PCDHGB6: variants seen among roughly 807,000 people sequenced by gnomAD.
The protein encoded by PCDHGB6 is protocadherin gamma subfamily B, 6, also known as protocadherin gamma-B6.
In PCDHGB6, 51 loss-of-function variants were observed where a neutral mutation model predicts 59.1. The observed-to-expected ratio is 0.86, with a 90% CI of 0.69 to 1.09. The LOEUF (loss-of-function observed/expected upper bound fraction) is 1.09, where lower values mean the gene tolerates loss of function less well. Ranked by LOEUF, PCDHGB6 falls within the 50% of genes least tolerant of loss-of-function variation. PCDHGB6 has a pLI of 0.00. For missense variants in PCDHGB6, 1,148 were observed against 1,205.1 expected (o/e 0.95, Z 0.70); for synonymous variants, 466 against 495.1 (o/e 0.94, Z 0.78).
At position 141,511,410 on chromosome 5, in the gene PCDHGB6, T is replaced by A; in HGVS notation, c.*237T>A. The stretch of plus-strand genomic sequence containing the variant: ...GGAACCCCCATCCAATCAACTGCTG[T>A]ACCCATGGGGGTAGTGGGGTTACTG... On this transcript the variant is annotated 3_prime_UTR_variant, in exon 4 of 4. Coordinates refer to ENST00000520790, the MANE Select transcript of PCDHGB6 (RefSeq NM_018926.3). 1 of 908,820 alleles carries A rather than the reference T, an allele frequency of 1.1e-6. No individual in the cohort carries two copies. The highest frequency in any genetic ancestry group is 1.6e-6 in the Non-Finnish European group (1 of 624,202). 56.3% of individuals were successfully genotyped at this position (908,820 alleles called of 1,614,324 possible). A position where few individuals can be genotyped will look rare whatever the true frequency, so the allele number is the denominator to read the frequency against.
chr5:141,417,387 G>GA (rs1356605500), intron 1 of PCDHGB6: 1 of 154,090 alleles, frequency 6.5e-6, no homozygotes, highest in Non-Finnish European at 1.4e-5. Context: ...AAATTTTGAA[G>GA]AAAAAATATT....
rs756423770 is a variant in PCDHGB6 at position 141,430,950 on chromosome 5, T to G, written c.2418+20330T>G. 8 of 1,609,862 alleles carry G rather than the reference T, an allele frequency of 5.0e-6. No individual in the cohort carries two copies. The East Asian group carries it at 1.6e-4, about 31-fold the overall frequency. On this transcript the variant is annotated intron_variant, in intron 1 of 3. Coordinates refer to ENST00000520790, the MANE Select transcript of PCDHGB6 (RefSeq NM_018926.3). ...CCCCGGGAGCTCGCGGAGCGCGGAG[T>G]CCGCATCATCCCCAGAGGTAGGACG...
Position 141,438,021 on chromosome 5 carries a change from G to T in PCDHGB6, c.2418+27401G>T, listed in dbSNP as rs112167613. ...CTCCCAAATAGCTGAGATTACAGGT[G>T]TGAGCCACCATGCCCGACCACTTTG... On this transcript the variant is annotated intron_variant, in intron 1 of 3. Transcript: ENST00000520790. Among the ~76,000 whole-genome samples the T allele has an allele frequency of 1.6e-3, 250 of 152,256 alleles. 2 individuals are homozygous for T. Among genetic ancestry groups the T allele is most frequent in the African/African-American group, 5.3e-3 (221 of 41,544 alleles).
intron 1 of PCDHGB6, among the ~76,000 whole-genome samples, chr5:141,479,992 G>A (rs1336315766): frequency 6.6e-6 from 1 of 152,204 alleles, no homozygotes; most frequent in Non-Finnish European, 1.5e-5. Context: ...CCAACTAGGA[G>A]TCTGTGGCCA....
At chr5:141,447,937 T>A (rs1036604034) in intron 1 of PCDHGB6, among the ~76,000 whole-genome samples, 1 of 151,852 alleles carries the variant, frequency 6.6e-6, no homozygotes, top group Non-Finnish European at 1.5e-5. Context: ...AATACAAAAA[T>A]TAGCTGGGCA....
chr5:141,418,126 A>G (rs2096226975), intron 1 of PCDHGB6: 3 of 1,613,994 alleles, frequency 1.9e-6, no homozygotes, highest in Non-Finnish European at 2.5e-6. Context: ...TGAAGGACCG[A>G]ATAGACCGTG....
At position 141,501,290 on chromosome 5, in the gene PCDHGB6, TACACACACACAC is replaced by T. The variant is rs55762287; in HGVS notation, c.2478-4070_2478-4059del. Among the ~76,000 whole-genome samples, 15 of 136,248 alleles carry T rather than the reference TACACACACACAC, an allele frequency of 1.1e-4. No homozygotes were observed. The South Asian group carries it at 1.2e-3, about 11-fold the overall frequency. The allele number at this position is 136,248 out of a possible 152,430, so 89.4% of individuals were successfully genotyped here. A position where few individuals can be genotyped will look rare whatever the true frequency, so the allele number is the denominator to read the frequency against. ...GTCCAGTCTATGGGATATTCCCTTA[TACACACACACAC>T]ACACACACACACACACACACACACA... On this transcript the variant is annotated intron_variant, in intron 2 of 3. Transcript: ENST00000520790.
intron 1 of PCDHGB6, among the ~76,000 whole-genome samples, chr5:141,456,499 A>C (rs1283501704): frequency 6.6e-6 from 1 of 152,210 alleles, no homozygotes; most frequent in Non-Finnish European, 1.5e-5. Flanking sequence ...AAAGGGGTTA[A>C]CCAATTCCAT....
In PCDHGB6 at chr5:141,486,397, G is replaced by T; in HGVS notation, c.2419-8410G>T. 6.2e-7 allele frequency: 1 copy of T among 1,614,164 alleles called. No individual in the cohort carries two copies. Among genetic ancestry groups the T allele is most frequent in the East Asian group, 2.2e-5 (1 of 44,872 alleles). On this transcript the variant is annotated intron_variant, in intron 1 of 3. Coordinates refer to ENST00000520790, the MANE Select transcript of PCDHGB6 (RefSeq NM_018926.3). The surrounding 1 kb of genome is among the most constrained non-coding windows in gnomAD (Gnocchi z 5.0). ...CCTTCAGGAACCAGTTCTCCCTGGTGACTGCTGGACCCTTGGATCGAGAGG... is the reference window on the plus strand; with the variant it reads ...CCTTCAGGAACCAGTTCTCCCTGGTTACTGCTGGACCCTTGGATCGAGAGG...
intron 1 of PCDHGB6, chr5:141,433,145 G>C (rs2097571427): frequency 6.2e-7 from 1 of 1,613,922 alleles, no homozygotes; most frequent in Non-Finnish European, 8.5e-7. Flanking sequence ...GCTGTCAGGT[G>C]ATTCGGTATT....
intron 1 of PCDHGB6, among the ~76,000 whole-genome samples, chr5:141,445,567 T>C (rs1465765772): frequency 6.6e-6 from 1 of 152,142 alleles, no homozygotes; most frequent in Admixed American, 6.5e-5. Context: ...AGAGAAAGCT[T>C]ATAGTAGGGA....
rs750139205 is a variant in PCDHGB6 at position 141,489,738 on chromosome 5, T to C, written c.2419-5069T>C. Reference sequence around the variant, plus strand: ...AGGATCCGGATGTGGGCACCAATACTGTGAGCTTTTACACTCTAAGCCCCA... The same window carrying C: ...AGGATCCGGATGTGGGCACCAATACCGTGAGCTTTTACACTCTAAGCCCCA... On this transcript the variant is annotated intron_variant, in intron 1 of 3. Coordinates refer to ENST00000520790, the MANE Select transcript of PCDHGB6 (RefSeq NM_018926.3). This position sits in a 1 kb window ranked among gnomAD's most constrained non-coding sequence, Gnocchi z 4.5. 1 of 1,614,168 alleles carries C rather than the reference T, an allele frequency of 6.2e-7. No individual in the cohort carries two copies. Among genetic ancestry groups the C allele is most frequent in the Non-Finnish European group, 8.5e-7 (1 of 1,180,030 alleles).
rs958652662 is a variant in PCDHGB6, at chr5:141,494,839, T to C, written c.2451T>C (p.Ser817=). 6.2e-7 allele frequency: 1 copy of C among 1,614,106 alleles called. No individual in the cohort carries two copies. Among genetic ancestry groups the C allele is most frequent in the Non-Finnish European group, 8.5e-7 (1 of 1,180,016 alleles). ...QAPPNTDWRF[S]QAQRPGTSGS... ...CGCCCAACACGGACTGGCGTTTCTC[T>C]CAGGCCCAGAGACCCGGCACCAGCG... The change falls in exon 2 of 4, where the codon TCT becomes TCC. Residue 817 remains serine (S), a synonymous_variant. Coordinates refer to ENST00000520790, the MANE Select transcript of PCDHGB6 (RefSeq NM_018926.3).
At chr5:141,509,216 T>C (rs2099875781) in intron 3 of PCDHGB6, among the ~76,000 whole-genome samples, 1 of 152,124 alleles carries the variant, frequency 6.6e-6, no homozygotes, top group South Asian at 2.1e-4. Flanking sequence ...TATTTCTCAA[T>C]CCCTGGTTGA....
At chr5:141,503,607 A>G (rs141670522) in intron 2 of PCDHGB6, among the ~76,000 whole-genome samples, 63 of 151,996 alleles carry the variant, frequency 4.1e-4, no homozygotes, top group African/African-American at 1.4e-3. Flanking sequence ...TCAAAAAAAA[A>G]AAAAAAAGAA....
At chr5:141,433,256 C>G (rs760130587) in intron 1 of PCDHGB6, 2 of 1,385,666 alleles carry the variant, frequency 1.4e-6, no homozygotes, top group Non-Finnish European at 2.0e-6. Context: ...TGCAGCGGTA[C>G]GATCATAGCT....
intron 1 of PCDHGB6, chr5:141,419,895 C>G (rs1209315374): frequency 6.2e-7 from 1 of 1,613,916 alleles, no homozygotes; most frequent in Non-Finnish European, 8.5e-7. Context: ...AGCGACCATC[C>G]CACACCCTCT....
Position 141,485,967 on chromosome 5 carries a change from A to G in PCDHGB6, c.2419-8840A>G, listed in dbSNP as rs751904053. 2.5e-6 allele frequency: 4 copies of G among 1,614,194 alleles called. No individual in the cohort carries two copies. The South Asian group carries it at 4.4e-5, about 18-fold the overall frequency. On this transcript the variant is annotated intron_variant, in intron 1 of 3. Transcript: ENST00000520790. This position sits in a 1 kb window ranked among gnomAD's most constrained non-coding sequence, Gnocchi z 5.7. The stretch of plus-strand genomic sequence containing the variant: ...GCGGGCATGGTGCTCATCCAGCTCA[A>G]TGCCTCAGACCCGGACCTGGGTCCC...
At chr5:141,422,959 C>A in intron 1 of PCDHGB6, 1 of 1,614,234 alleles carries the variant, frequency 6.2e-7, no homozygotes, top group South Asian at 1.1e-5. Context: ...TGGCGTGGAG[C>A]TGGCGCCCCG....
Sources: allele counts gnomAD v4.1 joint callset (sites outside exome capture counted in the v4.1 genomes callset), GRCh38; gene constraint gnomAD v4.1.1; non-coding constraint Gnocchi (gnomAD v3.1); transcripts MANE v1.5; gene names NCBI Gene and HGNC (gene_info 2026-07-23, HGNC 2026-07-21).